NKAIN3: variants seen among roughly 807,000 people sequenced by gnomAD.
NKAIN3 encodes the protein sodium/potassium-transporting ATPase subunit beta-1-interacting protein 3.
NKAIN3 carries 25 observed loss-of-function variants against 30.2 expected under a neutral mutation model. That is an observed-to-expected ratio of 0.83 (90% CI 0.60 to 1.16). The LOEUF is 1.16. Ranked by LOEUF, NKAIN3 falls within the 50% of genes most tolerant of loss-of-function variation. The pLI, the probability that NKAIN3 is intolerant of heterozygous loss-of-function variation, is 0.00. For missense variants in NKAIN3, 225 were observed against 254.1 expected, an observed-to-expected ratio of 0.89 and a Z score of 0.78; for synonymous variants, 91 against 89.6, an observed-to-expected ratio of 1.02 and a Z score of -0.09.
intron 1 of NKAIN3, among the ~76,000 whole-genome samples, chr8:62,551,121 C>G (rs993813697): frequency 1.3e-5 from 2 of 151,840 alleles, no homozygotes; most frequent in Non-Finnish European, 2.9e-5. Context: ...AATAATAATA[C>G]GAAGAGAGAA....
At chr8:62,513,610 T>TGTAA (rs1807880637) in intron 1 of NKAIN3, among the ~76,000 whole-genome samples, 1 of 152,002 alleles carries the variant, frequency 6.6e-6, no homozygotes, top group Non-Finnish European at 1.5e-5. Flanking sequence ...TGCTCACACC[T>TGTAA]GTAATCTCAG....
At chr8:62,774,442 G>C (rs13254765) in intron 4 of NKAIN3, among the ~76,000 whole-genome samples, 77,246 of 151,990 alleles carry the variant, frequency 0.51, 22,748 homozygotes, top group Non-Finnish European at 0.67. Flanking sequence ...GCATTACTAT[G>C]TTGAATTACA....
chr8:62,726,141 T>C (rs567034291), intron 3 of NKAIN3, among the ~76,000 whole-genome samples: 1 of 152,278 alleles, frequency 6.6e-6, no homozygotes, highest in East Asian at 1.9e-4. Context: ...TTCAGTTTAT[T>C]TGCTGTTGGC....
At chr8:62,856,668 G>A (rs1405419939) in intron 4 of NKAIN3, 3 of 768,720 alleles carry the variant, frequency 3.9e-6, no homozygotes, top group Non-Finnish European at 7.2e-6. Flanking sequence ...TTCACTGAGT[G>A]AGTCATCAGA....
At chr8:62,806,224 A>G (rs1818275229) in intron 4 of NKAIN3, among the ~76,000 whole-genome samples, 1 of 152,208 alleles carries the variant, frequency 6.6e-6, no homozygotes, top group Non-Finnish European at 1.5e-5. Context: ...AACTAGTTCA[A>G]CCATTGTGGA....
intron 1 of NKAIN3, among the ~76,000 whole-genome samples, chr8:62,509,229 C>T (rs774003068): frequency 3.9e-5 from 6 of 152,014 alleles, no homozygotes; most frequent in African/African-American, 1.2e-4. Flanking sequence ...TTGTCAGAAG[C>T]TGGGAAAGGT....
chr8:62,406,671 G>T (rs906953861), intron 1 of NKAIN3, among the ~76,000 whole-genome samples: 9 of 152,056 alleles, frequency 5.9e-5, no homozygotes, highest in African/African-American at 1.9e-4. Flanking sequence ...TTTTAATTTA[G>T]ACCTCAAAAT....
intron 1 of NKAIN3, among the ~76,000 whole-genome samples, chr8:62,473,593 T>G (rs571790226): frequency 1.3e-5 from 2 of 152,338 alleles, no homozygotes; most frequent in African/African-American, 4.8e-5. Flanking sequence ...AGAATCTTTC[T>G]TATTCATCTT....
intron 4 of NKAIN3, among the ~76,000 whole-genome samples, chr8:62,784,825 A>G (rs1817464612): frequency 6.6e-6 from 1 of 152,186 alleles, no homozygotes; most frequent in East Asian, 1.9e-4. Context: ...ACATAGATAT[A>G]TGAATCTTTT....
At chr8:62,333,215 A>G (rs768618982) in intron 1 of NKAIN3, among the ~76,000 whole-genome samples, 2 of 152,096 alleles carry the variant, frequency 1.3e-5, no homozygotes, top group Non-Finnish European at 2.9e-5. Flanking sequence ...TATTTTCCTC[A>G]AGTACCCACA....
chr8:62,733,576 T>A (rs912355018), intron 3 of NKAIN3, among the ~76,000 whole-genome samples: 6 of 152,282 alleles, frequency 3.9e-5, no homozygotes, highest in South Asian at 2.1e-4. Context: ...TTCTTTTTTT[T>A]AATTTAATAT....
intron 1 of NKAIN3, among the ~76,000 whole-genome samples, chr8:62,290,294 T>C (rs184900479): frequency 9.2e-5 from 14 of 152,278 alleles, no homozygotes; most frequent in South Asian, 2.1e-4. Context: ...ATTGGAGTGG[T>C]GAGAGAGGGC....
At chr8:62,437,264 C>A (rs569823122) in intron 1 of NKAIN3, among the ~76,000 whole-genome samples, 2 of 152,234 alleles carry the variant, frequency 1.3e-5, no homozygotes, top group South Asian at 4.2e-4. Context: ...GTACAACTAG[C>A]TTATCTGAAT....
At chr8:62,342,725 C>G (rs916976398) in intron 1 of NKAIN3, among the ~76,000 whole-genome samples, 1 of 152,078 alleles carries the variant, frequency 6.6e-6, no homozygotes, top group East Asian at 1.9e-4. Flanking sequence ...CAGTGTGGCA[C>G]AGCTGCCCAC....
intron 4 of NKAIN3, chr8:62,855,436 A>ATACT: frequency 1.8e-6 from 2 of 1,124,118 alleles, no homozygotes; most frequent in Non-Finnish European, 2.7e-6. Context: ...CCTCTTCTGA[A>ATACT]TACTTCATCT....
intron 1 of NKAIN3, among the ~76,000 whole-genome samples, chr8:62,486,251 T>G (rs1806898574): frequency 6.6e-6 from 1 of 152,058 alleles, no homozygotes; most frequent in Non-Finnish European, 1.5e-5. Flanking sequence ...ACGTTCTAAG[T>G]GAAGAGAGTT....
At chr8:62,629,076 TA>T (rs1811873374) in intron 3 of NKAIN3, among the ~76,000 whole-genome samples, 1 of 152,136 alleles carries the variant, frequency 6.6e-6, no homozygotes, top group South Asian at 2.1e-4. Context: ...GCTACCTAAT[TA>T]ATGTAAGACA....
At chr8:62,416,489 A>G (rs78101529) in intron 1 of NKAIN3, among the ~76,000 whole-genome samples, 2,253 of 152,288 alleles carry the variant, frequency 0.015, 24 homozygotes, top group Non-Finnish European at 0.023. Flanking sequence ...CTTAACAAAA[A>G]AGACCAATGG....
rs149309021 is a variant in NKAIN3, at chr8:62,970,784, A to G, written c.*5377A>G. On this transcript the variant is annotated 3_prime_UTR_variant, in exon 7 of 7. Coordinates refer to ENST00000623646, the MANE Select transcript of NKAIN3 (RefSeq NM_001304533.3). ...TTCTTGTTTCTTTGATTGACTAAAAACATTGAATCATTTTCCATGTAAGGC... is the reference window on the plus strand; with the variant it reads ...TTCTTGTTTCTTTGATTGACTAAAAGCATTGAATCATTTTCCATGTAAGGC... Among the ~76,000 whole-genome samples, 68 of 152,296 alleles carry G rather than the reference A, an allele frequency of 4.5e-4. 1 individual carries two copies. The East Asian group carries it at 0.011, about 25-fold the overall frequency.
Sources: allele counts gnomAD v4.1 joint callset (sites outside exome capture counted in the v4.1 genomes callset), GRCh38; gene constraint gnomAD v4.1.1; transcripts MANE v1.5; gene names NCBI Gene and HGNC (gene_info 2026-07-23, HGNC 2026-07-21).